The following CDK14 variants were observed in gnomAD, a reference collection of about 807,000 sequenced individuals.
CDK14 encodes the protein cyclin dependent kinase 14.
CDK14 carries 34 observed loss-of-function variants against 60.7 expected under a neutral mutation model. That is an observed-to-expected ratio of 0.56 (90% CI 0.43 to 0.75). CDK14 has a LOEUF of 0.75. CDK14 is among the 30% of genes least tolerant of loss of function. The probability of loss-of-function intolerance (pLI) is 0.00; values close to 1 mark genes in which losing one functional copy is unlikely to be tolerated. For synonymous variants in CDK14, 197 were observed against 203.7 expected, an observed-to-expected ratio of 0.97 and a Z score of 0.28; for missense variants, 482 against 564.1, an observed-to-expected ratio of 0.85 and a Z score of 1.47.
rs561994998 is a variant in CDK14, at chr7:90,879,611, T to A, written c.639+16342T>A. Among the ~76,000 whole-genome samples the A allele has an allele frequency of 2.0e-5, 3 of 152,180 alleles. No individual in the cohort carries two copies. In the South Asian group the frequency reaches 6.2e-4, roughly 32 times the overall value. ...ATCAGATAGTTGTAGATGTGTGGTG[T>A]TATTTCTGAGGCCTCTATTCTGTTC... is the stretch of plus-strand genomic sequence containing the variant. On this transcript the variant is annotated intron_variant, in intron 6 of 14. Coordinates refer to ENST00000380050, the MANE Select transcript of CDK14 (RefSeq NM_001287135.2).
intron 7 of CDK14, among the ~76,000 whole-genome samples, chr7:90,909,049 T>G (rs1415691488): frequency 1.3e-5 from 2 of 152,158 alleles, no homozygotes; most frequent in Non-Finnish European, 2.9e-5. Flanking sequence ...ACTCTGAATA[T>G]TGATTCGTTT....
At chr7:90,873,473 T>C (rs1172012434) in intron 6 of CDK14, among the ~76,000 whole-genome samples, 1 of 152,210 alleles carries the variant, frequency 6.6e-6, no homozygotes, top group Non-Finnish European at 1.5e-5. Context: ...TATTTAGTGT[T>C]TTTAATTTTA....
chr7:91,014,022 G>A (rs879378031), intron 10 of CDK14, among the ~76,000 whole-genome samples: 2 of 151,774 alleles, frequency 1.3e-5, no homozygotes, highest in Non-Finnish European at 2.9e-5. Context: ...AGCTGAGGAC[G>A]GTTTTATTAG....
At chr7:91,049,337 T>A (rs531828300) in intron 11 of CDK14, among the ~76,000 whole-genome samples, 1 of 152,320 alleles carries the variant, frequency 6.6e-6, no homozygotes, top group African/African-American at 2.4e-5. Flanking sequence ...ACTGAATAAG[T>A]TTTGCCTTGA....
chr7:90,970,704 T>G (rs181423016), intron 9 of CDK14, among the ~76,000 whole-genome samples: 1 of 152,214 alleles, frequency 6.6e-6, no homozygotes, highest in East Asian at 1.9e-4. Flanking sequence ...TCAAGTAAAT[T>G]GTACAGTGGA....
intron 5 of CDK14, among the ~76,000 whole-genome samples, chr7:90,833,775 A>G (rs1468468019): frequency 1.3e-5 from 2 of 152,146 alleles, no homozygotes; most frequent in Admixed American, 1.3e-4. Context: ...CTCCCCTTCT[A>G]CTTTCGAAGC....
Position 90,790,660 on chromosome 7 carries a change from C to A in CDK14, c.544+8C>A, listed in dbSNP as rs939209262. 8.1e-6 allele frequency: 13 copies of A among 1,601,484 alleles called. 1 individual carries two copies. The East Asian group carries it at 2.9e-4, about 36-fold the overall frequency. ...TCACAGCTATCAGGGAAGGTAGGCACTTTTCCTTGTTGATATTGCTTTTGT... is the reference window on the plus strand; with the variant it reads ...TCACAGCTATCAGGGAAGGTAGGCAATTTTCCTTGTTGATATTGCTTTTGT... On this transcript the variant is annotated splice_region_variant and intron_variant, in intron 5 of 14. Coordinates refer to ENST00000380050, the MANE Select transcript of CDK14 (RefSeq NM_001287135.2).
intron 6 of CDK14, among the ~76,000 whole-genome samples, chr7:90,863,935 C>T (rs1390905525): frequency 6.6e-6 from 1 of 151,994 alleles, no homozygotes; most frequent in Non-Finnish European, 1.5e-5. Context: ...ACTGTGGAAT[C>T]GTGAAATGTA....
At chr7:90,649,292 C>CTTTCTTTTCT (rs1800544183) in intron 2 of CDK14, among the ~76,000 whole-genome samples, 1 of 66,890 alleles carries the variant, frequency 1.5e-5, no homozygotes, top group African/African-American at 7.6e-5. Context: ...TTCTTTCTTT[C>CTTTCTTTTCT]TTTCTTTCTT....
At chr7:90,963,739 G>C (rs1034210391) in intron 9 of CDK14, among the ~76,000 whole-genome samples, 1 of 120,128 alleles carries the variant, frequency 8.3e-6, no homozygotes, top group Non-Finnish European at 1.6e-5. Context: ...TTTTTGAGAC[G>C]GAGTCTTACT....
chr7:90,884,545 A>G (rs1180310596), intron 6 of CDK14, among the ~76,000 whole-genome samples: 7 of 152,206 alleles, frequency 4.6e-5, no homozygotes, highest in Admixed American at 2.0e-4. Context: ...ATCCCCATCA[A>G]TCTACCACTG....
chr7:90,648,410 G>A (rs1800517190), intron 2 of CDK14, among the ~76,000 whole-genome samples: 1 of 152,146 alleles, frequency 6.6e-6, no homozygotes, highest in Non-Finnish European at 1.5e-5. Context: ...GACCTCAGAA[G>A]TCACACATTG....
rs181479070 is a variant in CDK14, at chr7:91,115,048, A to G, written c.1294+2367A>G. On this transcript the variant is annotated intron_variant, in intron 13 of 14. Transcript: ENST00000380050. Reference sequence around the variant, plus strand: ...ACCATCTGGCAAAGGCAGCAGTGGCAGTGGCAGCAGTAGCAGCAGCACCTG... The same window carrying G: ...ACCATCTGGCAAAGGCAGCAGTGGCGGTGGCAGCAGTAGCAGCAGCACCTG... 3.7e-3 allele frequency among the ~76,000 whole-genome samples: 566 copies of G among 152,310 alleles called. 5 individuals are homozygous for G. Among genetic ancestry groups the G allele is most frequent in the South Asian group, 0.03 (147 of 4,822 alleles).
intron 5 of CDK14, among the ~76,000 whole-genome samples, chr7:90,813,511 G>C (rs981227847): frequency 6.6e-6 from 1 of 152,200 alleles, no homozygotes; most frequent in Admixed American, 6.5e-5. Context: ...ACTTTGGGAG[G>C]CTGAAGTGGG....
intron 5 of CDK14, among the ~76,000 whole-genome samples, chr7:90,807,696 G>A (rs1158673552): frequency 6.6e-6 from 1 of 152,140 alleles, no homozygotes; most frequent in Non-Finnish European, 1.5e-5. Flanking sequence ...CGAACCCATG[G>A]CAAAGAAGTT....
chr7:91,192,117 C>T (rs1185360710), intron 14 of CDK14, among the ~76,000 whole-genome samples: 1 of 152,086 alleles, frequency 6.6e-6, no homozygotes, highest in Non-Finnish European at 1.5e-5. Flanking sequence ...AAGGAAGGCA[C>T]AAGTAACTTG....
At chr7:90,768,944 T>G (rs1403065081) in intron 4 of CDK14, among the ~76,000 whole-genome samples, 1 of 152,230 alleles carries the variant, frequency 6.6e-6, no homozygotes, top group Non-Finnish European at 1.5e-5. Flanking sequence ...ATAGTAATTT[T>G]TATATAGCTA....
intron 5 of CDK14, among the ~76,000 whole-genome samples, chr7:90,862,091 C>A (rs538182572): frequency 1.3e-5 from 2 of 151,852 alleles, no homozygotes; most frequent in South Asian, 4.2e-4. Context: ...GAACTTCTGG[C>A]AAGAATAGAA....
At chr7:90,911,818 A>G (rs1792911519) in intron 7 of CDK14, among the ~76,000 whole-genome samples, 2 of 152,186 alleles carry the variant, frequency 1.3e-5, no homozygotes, top group African/African-American at 4.8e-5. Context: ...TTGTGATAAA[A>G]TACCATTAAT....
Sources: allele counts gnomAD v4.1 joint callset (sites outside exome capture counted in the v4.1 genomes callset), GRCh38; gene constraint gnomAD v4.1.1; transcripts MANE v1.5; gene names NCBI Gene and HGNC (gene_info 2026-07-23, HGNC 2026-07-21).